Variants in CDK2AP1 observed in about 807,000 individuals in gnomAD.
CDK2AP1 encodes cyclin-dependent kinase 2-associated protein 1.
CDK2AP1 carries 10 observed loss-of-function variants against 14.1 expected under a neutral mutation model. The observed-to-expected ratio is 0.71, with a 90% confidence interval of 0.44 to 1.20. The LOEUF is 1.20. Ranked by LOEUF, CDK2AP1 falls within the 50% of genes most tolerant of loss-of-function variation. The pLI, the probability that CDK2AP1 is intolerant of heterozygous loss-of-function variation, is 0.00. For synonymous variants in CDK2AP1, 59 were observed against 59.8 expected (o/e 0.99, Z 0.06); for missense variants, 102 against 149.9 (o/e 0.68, Z 1.67).
In CDK2AP1 at chr12:123,261,614, C is replaced by G. The variant is rs550782927; in HGVS notation, c.*122G>C. On this transcript the variant is annotated 3_prime_UTR_variant, in exon 4 of 4. Coordinates refer to ENST00000261692, the MANE Select transcript of CDK2AP1 (RefSeq NM_004642.4). Reference sequence around the variant, plus strand: ...GACTGTAGGTTCAGAGCCAAGTGAACCATGGGAGGAAAAACGAAACTGTAA... The same window carrying G: ...GACTGTAGGTTCAGAGCCAAGTGAAGCATGGGAGGAAAAACGAAACTGTAA... The G allele has an allele frequency of 3.6e-5, 27 of 753,400 alleles. No individual in the cohort carries two copies. In the East Asian group the frequency reaches 6.5e-4, roughly 18 times the overall value. 46.7% of individuals were successfully genotyped at this position (753,400 alleles called of 1,614,324 possible).
chr12:123,265,507 GAAAA>G lies in CDK2AP1; in HGVS notation c.154-189_154-186del. Among the ~76,000 whole-genome samples, 1 of 140,432 alleles carries G rather than the reference GAAAA, an allele frequency of 7.1e-6. No individual in the cohort carries two copies. The highest frequency in any genetic ancestry group is 2.7e-5 in the African/African-American group (1 of 37,576). 92.1% of individuals were successfully genotyped at this position (140,432 alleles called of 152,430 possible). A position where few individuals can be genotyped will look rare whatever the true frequency, so the allele number is the denominator to read the frequency against. ...AACAGAGCGAGACTCCATCTCGGGG[GAAAA>G]AAAAAAAAAAGGGTTCAGCAGCCTG... is the stretch of plus-strand genomic sequence containing the variant. On this transcript the variant is annotated intron_variant, in intron 2 of 3. Coordinates refer to ENST00000261692, the MANE Select transcript of CDK2AP1 (RefSeq NM_004642.4). The surrounding 1 kb of genome is among the most constrained non-coding windows in gnomAD (Gnocchi z 5.3).
intron 1 of CDK2AP1, among the ~76,000 whole-genome samples, chr12:123,271,294 G>C (rs976213050): frequency 2.0e-5 from 3 of 146,870 alleles, no homozygotes; most frequent in Admixed American, 6.7e-5. Context: ...CGCCCGCCGC[G>C]CTCCCTGCGA....
At chr12:123,266,922 TG>T (rs766298146) in intron 2 of CDK2AP1, among the ~76,000 whole-genome samples, 6 of 152,190 alleles carry the variant, frequency 3.9e-5, no homozygotes, top group Non-Finnish European at 7.4e-5. Context: ...ACGCGTGGGG[TG>T]GGAGCCTCAG....
intron 1 of CDK2AP1, among the ~76,000 whole-genome samples, chr12:123,269,825 C>CTCCT (rs2048337705): frequency 6.6e-6 from 1 of 151,550 alleles, no homozygotes; most frequent in Non-Finnish European, 1.5e-5. Flanking sequence ...GCGGCGGCAG[C>CTCCT]GGAGAGTCCA....
chr12:123,265,465 T>G lies in CDK2AP1; in HGVS notation c.154-143A>C. On this transcript the variant is annotated intron_variant, in intron 2 of 3. Transcript: ENST00000261692. The surrounding 1 kb of genome is among the most constrained non-coding windows in gnomAD (Gnocchi z 5.3). ...TTGCAGTGAGCCAAGATCACTCCAC[T>G]GCACTCCAGCCTGGGCAACAGAGCG... The G allele has an allele frequency of 2.9e-6, 2 of 680,510 alleles. No individual in the cohort carries two copies. The highest frequency in any genetic ancestry group is 2.5e-6 in the Non-Finnish European group (1 of 394,138). The allele number at this position is 680,510 out of a possible 1,614,324, so 42.2% of individuals were successfully genotyped here.
rs1422065730 is a variant in CDK2AP1 at position 123,270,101 on chromosome 12, C to T, written c.55+1463G>A. On this transcript the variant is annotated intron_variant, in intron 1 of 3. Transcript: ENST00000261692. ...AATGACACCAGGGTAAGCCTGAGCT[C>T]AGCCTTGCCCAGGCTGGCAACACCA... is the stretch of plus-strand genomic sequence containing the variant. 3.4e-5 allele frequency: 15 copies of T among 445,558 alleles called. No individual in the cohort carries two copies. In the East Asian group the frequency reaches 2.0e-3, roughly 60 times the overall value. 27.6% of individuals were successfully genotyped at this position (445,558 alleles called of 1,614,324 possible).
In CDK2AP1 at chr12:123,265,034, C is replaced by T. The variant is rs529857887; in HGVS notation, c.280+162G>A. On this transcript the variant is annotated intron_variant, in intron 3 of 3. Coordinates refer to ENST00000261692, the MANE Select transcript of CDK2AP1 (RefSeq NM_004642.4). The surrounding 1 kb of genome is among the most constrained non-coding windows in gnomAD (Gnocchi z 5.3). Reference sequence around the variant, plus strand: ...GGCCCCTCGCTACCAGACCCATCGCCTGCCTGAGGCCTCCACCACAGACGG... The same window carrying T: ...GGCCCCTCGCTACCAGACCCATCGCTTGCCTGAGGCCTCCACCACAGACGG... 7.9e-5 allele frequency among the ~76,000 whole-genome samples: 12 copies of T among 152,332 alleles called. No homozygotes were observed. The highest frequency in any genetic ancestry group is 1.5e-4 in the Non-Finnish European group (10 of 68,030).
intron 1 of CDK2AP1, among the ~76,000 whole-genome samples, chr12:123,269,670 G>T (rs888311008): frequency 1.3e-5 from 2 of 152,032 alleles, no homozygotes; most frequent in African/African-American, 2.4e-5. Context: ...CACTTGGGGC[G>T]CCTGGGGGGC....
chr12:123,262,021 T>C, intron 3 of CDK2AP1: 1 of 443,160 alleles, frequency 2.3e-6, no homozygotes, highest in Non-Finnish European at 4.0e-6. Context: ...TCTTCCTGTC[T>C]CTCTAAACAT....
intron 2 of CDK2AP1, among the ~76,000 whole-genome samples, chr12:123,266,427 C>T (rs899498303): frequency 6.6e-5 from 10 of 152,376 alleles, no homozygotes; most frequent in East Asian, 1.9e-4. Context: ...GGGGCATGGC[C>T]GGGGAGCCGC....
intron 1 of CDK2AP1, among the ~76,000 whole-genome samples, chr12:123,269,753 C>G (rs2048336880): frequency 6.6e-6 from 1 of 152,180 alleles, no homozygotes; most frequent in African/African-American, 2.4e-5. Flanking sequence ...GGCTTGGCAA[C>G]CCGTGAACAG....
At chr12:123,270,696 G>A (rs1298241711) in intron 1 of CDK2AP1, among the ~76,000 whole-genome samples, 1 of 152,126 alleles carries the variant, frequency 6.6e-6, no homozygotes, top group East Asian at 1.9e-4. Flanking sequence ...GAGTTTCCTG[G>A]GAGCGCCCGG....
In CDK2AP1 at chr12:123,265,074, G is replaced by A. The variant is rs2048276054; in HGVS notation, c.280+122C>T. The A allele has an allele frequency of 2.9e-6, 4 of 1,363,302 alleles. No individual in the cohort carries two copies. Among genetic ancestry groups the A allele is most frequent in the South Asian group, 2.5e-5 (2 of 78,578 alleles). 84.5% of individuals were successfully genotyped at this position (1,363,302 alleles called of 1,614,324 possible). On this transcript the variant is annotated intron_variant, in intron 3 of 3. Coordinates refer to ENST00000261692, the MANE Select transcript of CDK2AP1 (RefSeq NM_004642.4). This position sits in a 1 kb window ranked among gnomAD's most constrained non-coding sequence, Gnocchi z 5.3. The stretch of plus-strand genomic sequence containing the variant: ...ACCACAGACGGCAACTCTGTAACAA[G>A]ACAGGAGCTCCCATGAGTGAGCCTC...
intron 3 of CDK2AP1, among the ~76,000 whole-genome samples, chr12:123,263,824 G>A (rs756993325): frequency 1.3e-5 from 2 of 152,224 alleles, no homozygotes; most frequent in Non-Finnish European, 2.9e-5. Flanking sequence ...CCTCTCCCAG[G>A]CCGGGCACGG....
intron 1 of CDK2AP1, among the ~76,000 whole-genome samples, chr12:123,269,455 T>A (rs1188167146): frequency 1.3e-5 from 2 of 152,162 alleles, no homozygotes; most frequent in East Asian, 3.9e-4. Context: ...CGAGTTCCAC[T>A]CCTGGTCACT....
In CDK2AP1 at chr12:123,268,141, C is replaced by CA. The variant is rs2048316515; in HGVS notation, c.56-860dup. 8.3e-6 allele frequency: 8 copies of CA among 967,054 alleles called. No homozygotes were observed. The South Asian group carries it at 3.8e-4, about 46-fold the overall frequency. 59.9% of individuals were successfully genotyped at this position (967,054 alleles called of 1,614,324 possible). ...GGGTAAAGGATATCCTGCAGAATGA[C>CA]AAACAGCGGTAACCATGGAGAATTT... On this transcript the variant is annotated intron_variant, in intron 1 of 3. Coordinates refer to ENST00000261692, the MANE Select transcript of CDK2AP1 (RefSeq NM_004642.4).
intron 1 of CDK2AP1, chr12:123,270,216 AGAG>A (rs1211922130): frequency 2.0e-6 from 2 of 984,152 alleles, no homozygotes; most frequent in Non-Finnish European, 2.4e-6. Context: ...TGCGGACCCC[AGAG>A]GAGGTGAGAA....
chr12:123,267,153 C>T, intron 2 of CDK2AP1, 32 bp downstream of exon 2: 5 of 1,256,172 alleles, frequency 4.0e-6, no homozygotes, highest in Non-Finnish European at 5.9e-6. Context: ...CCCCCTGGCC[C>T]TCCCACCATG....
chr12:123,263,374 T>C (rs112582407), intron 3 of CDK2AP1, among the ~76,000 whole-genome samples: 217 of 152,304 alleles, frequency 1.4e-3, no homozygotes, highest in African/African-American at 4.9e-3. Flanking sequence ...GGCTTGGCTG[T>C]TGGCCAAGGG....
Sources: gnomAD v4.1 joint callset for allele counts (sites outside exome capture counted in the v4.1 genomes callset) on GRCh38, gnomAD v4.1.1 for gene constraint, Gnocchi (gnomAD v3.1) non-coding constraint, MANE v1.5 for transcripts, NCBI Gene and HGNC (gene_info 2026-07-23, HGNC 2026-07-21) for gene names.